KCNH8: variants seen among roughly 807,000 people sequenced by gnomAD.
KCNH8 encodes potassium voltage-gated channel subfamily H member 8.
KCNH8 carries 70 observed loss-of-function variants against 103.6 expected under a neutral mutation model. That is an observed-to-expected ratio of 0.68 (90% confidence interval 0.56 to 0.82). The LOEUF (loss-of-function observed/expected upper bound fraction) is 0.82. Ranked by LOEUF, KCNH8 falls within the 40% of genes least tolerant of loss-of-function variation. The probability of loss-of-function intolerance (pLI) is 0.00; values close to 1 mark genes in which losing one functional copy is unlikely to be tolerated. For missense variants in KCNH8, 1,217 were observed against 1,329.9 expected (o/e 0.92, Z 1.32); for synonymous variants, 498 against 489.4 (o/e 1.02, Z -0.23).
chr3:19,170,789 CATATATATAT>C (rs35694087), intron 1 of KCNH8, among the ~76,000 whole-genome samples: 1 of 108,058 alleles, frequency 9.3e-6, no homozygotes, highest in Non-Finnish European at 1.7e-5. Flanking sequence ...CACACACACA[CATATATATAT>C]ATATATATAT....
In KCNH8 at chr3:19,342,570, GT is replaced by G; in HGVS notation, c.443-13del. ...TGATGCATGCATGTGTGTCTAATGA[GT>G]TTTATTTTCCCCCAGACAAAGTCAA... On this transcript the variant is annotated splice_polypyrimidine_tract_variant and intron_variant, in intron 3 of 15. Coordinates refer to ENST00000328405, the MANE Select transcript of KCNH8 (RefSeq NM_144633.3). 6.2e-7 allele frequency: 1 copy of G among 1,606,014 alleles called. No homozygotes were observed. The highest frequency in any genetic ancestry group is 8.5e-7 in the Non-Finnish European group (1 of 1,175,058).
chr3:19,369,221 T>C (rs1042174383), intron 5 of KCNH8, among the ~76,000 whole-genome samples: 13 of 152,016 alleles, frequency 8.6e-5, no homozygotes, highest in African/African-American at 2.9e-4. Flanking sequence ...TTCAGTCACT[T>C]GTAGACTGTA....
At chr3:19,189,935 T>C (rs2063535547) in intron 1 of KCNH8, among the ~76,000 whole-genome samples, 1 of 150,912 alleles carries the variant, frequency 6.6e-6, no homozygotes, top group Non-Finnish European at 1.5e-5. Context: ...ACTATAATTT[T>C]AAAATTCATT....
At chr3:19,513,418 C>G (rs2068821728) in intron 13 of KCNH8, 93 bp downstream of exon 13, 2 of 1,452,716 alleles carry the variant, frequency 1.4e-6, no homozygotes, top group African/African-American at 1.4e-5. Flanking sequence ...CCTTTCTACT[C>G]CACAGATTCC....
chr3:19,365,298 T>C (rs2065996177), intron 5 of KCNH8, among the ~76,000 whole-genome samples: 1 of 152,132 alleles, frequency 6.6e-6, no homozygotes. Flanking sequence ...AAACAATGTC[T>C]GCTTCCATTT....
chr3:19,335,031 TAC>T (rs1374938019), intron 3 of KCNH8, among the ~76,000 whole-genome samples: 3 of 152,004 alleles, frequency 2.0e-5, no homozygotes, highest in African/African-American at 7.2e-5. Context: ...GAGTTTAAAT[TAC>T]CTTCATTCTC....
At chr3:19,404,397 G>A (rs2066661005) in intron 7 of KCNH8, among the ~76,000 whole-genome samples, 1 of 151,902 alleles carries the variant, frequency 6.6e-6, no homozygotes, top group African/African-American at 2.4e-5. Context: ...AGAAGAGTGG[G>A]TCTTTTTTGA....
chr3:19,201,069 TAAAAATAC>T (rs2063653855), intron 1 of KCNH8, among the ~76,000 whole-genome samples: 1 of 150,392 alleles, frequency 6.6e-6, no homozygotes, highest in South Asian at 2.1e-4. Flanking sequence ...ATGTCTCTGC[TAAAAATAC>T]AAAAATTAGC....
chr3:19,413,328 A>T (rs2066811410), intron 7 of KCNH8, among the ~76,000 whole-genome samples: 1 of 151,952 alleles, frequency 6.6e-6, no homozygotes, highest in African/African-American at 2.4e-5. Context: ...GCTAGACATC[A>T]GGTGCTCATG....
At chr3:19,461,060 C>T (rs2067618592) in intron 11 of KCNH8, among the ~76,000 whole-genome samples, 1 of 152,150 alleles carries the variant, frequency 6.6e-6, no homozygotes, top group African/African-American at 2.4e-5. Flanking sequence ...TGAGAACAGA[C>T]TAATGCCCAG....
chr3:19,373,647 C>T (rs1362829723), intron 5 of KCNH8, among the ~76,000 whole-genome samples: 1 of 151,848 alleles, frequency 6.6e-6, no homozygotes, highest in South Asian at 2.1e-4. Flanking sequence ...TTGCCTTCTG[C>T]TAGCTTTTGA....
At chr3:19,332,643 C>G (rs1283237069) in intron 3 of KCNH8, among the ~76,000 whole-genome samples, 4 of 150,946 alleles carry the variant, frequency 2.6e-5, no homozygotes, top group Admixed American at 2.6e-4. Context: ...TATTTTTTTT[C>G]TTTTGTTTTG....
At chr3:19,235,245 A>C (rs1409675453) in intron 1 of KCNH8, among the ~76,000 whole-genome samples, 1 of 152,210 alleles carries the variant, frequency 6.6e-6, no homozygotes, top group Non-Finnish European at 1.5e-5. Context: ...GATAGATTTC[A>C]AAAACAAAGT....
At chr3:19,341,248 A>G (rs1276740365) in intron 3 of KCNH8, among the ~76,000 whole-genome samples, 1 of 152,044 alleles carries the variant, frequency 6.6e-6, no homozygotes, top group Non-Finnish European at 1.5e-5. Context: ...AAACTCCACC[A>G]TTTTGCCTCT....
At chr3:19,516,530 A>G (rs746111847) in intron 14 of KCNH8, among the ~76,000 whole-genome samples, 7 of 152,066 alleles carry the variant, frequency 4.6e-5, no homozygotes, top group Non-Finnish European at 8.8e-5. Flanking sequence ...TCAAACTGGT[A>G]TATTTGCAAT....
At chr3:19,306,613 A>G (rs192266665) in intron 3 of KCNH8, among the ~76,000 whole-genome samples, 10 of 152,246 alleles carry the variant, frequency 6.6e-5, no homozygotes, top group Admixed American at 3.9e-4. Context: ...AAGAGAAAGG[A>G]AACAATTCTT....
intron 2 of KCNH8, among the ~76,000 whole-genome samples, chr3:19,277,950 A>G (rs554212894): frequency 1.3e-4 from 20 of 152,238 alleles, no homozygotes; most frequent in African/African-American, 4.3e-4. Context: ...TATCATTCAC[A>G]TCTCTGAATT....
At chr3:19,438,456 A>G in intron 8 of KCNH8, 95 bp downstream of exon 8, 1 of 955,100 alleles carries the variant, frequency 1.0e-6, no homozygotes, top group Non-Finnish European at 1.6e-6. Flanking sequence ...AAACAGATAA[A>G]CTGATTAACA....
chr3:19,236,985 A>G (rs2064074697), intron 1 of KCNH8, among the ~76,000 whole-genome samples: 1 of 152,320 alleles, frequency 6.6e-6, no homozygotes, highest in Middle Eastern at 3.4e-3. Flanking sequence ...TTATATGTTA[A>G]TGTTTTATCT....
Sources: gnomAD v4.1 joint callset for allele counts (sites outside exome capture counted in the v4.1 genomes callset) on GRCh38, gnomAD v4.1.1 for gene constraint, MANE v1.5 for transcripts, NCBI Gene and HGNC (gene_info 2026-07-23, HGNC 2026-07-21) for gene names.